INPP4B: variants seen among roughly 807,000 people sequenced by gnomAD.
INPP4B encodes the protein inositol polyphosphate-4-phosphatase type II B, also known as inositol polyphosphate 4-phosphatase type II.
In INPP4B, 55 loss-of-function variants were observed where a neutral mutation model predicts 122.5. The observed-to-expected ratio is 0.45, with a 90% CI of 0.36 to 0.56. INPP4B has a LOEUF of 0.56. Ranked by LOEUF, INPP4B falls within the 20% of genes least tolerant of loss-of-function variation. INPP4B has a pLI of 0.00. For synonymous variants in INPP4B, 403 were observed against 388.7 expected (o/e 1.04, Z -0.43); for missense variants, 1,000 against 1,097.7 (o/e 0.91, Z 1.26).
intron 1 of INPP4B, among the ~76,000 whole-genome samples, chr4:142,801,362 G>A (rs754666996): frequency 3.3e-5 from 5 of 152,170 alleles, no homozygotes; most frequent in Non-Finnish European, 5.9e-5. Flanking sequence ...AAGGCAGTTA[G>A]GTTAAAATGA....
At chr4:142,670,843 G>A (rs991854750) in intron 2 of INPP4B, among the ~76,000 whole-genome samples, 1 of 152,228 alleles carries the variant, frequency 6.6e-6, no homozygotes, top group East Asian at 1.9e-4. Context: ...TAATGCACAT[G>A]TTAATTAGTT....
intron 21 of INPP4B, among the ~76,000 whole-genome samples, chr4:142,118,964 C>A (rs1414391301): frequency 1.3e-5 from 2 of 152,152 alleles, no homozygotes; most frequent in East Asian, 1.9e-4. Flanking sequence ...AATCAAACAA[C>A]CCCATCAAAA....
intron 9 of INPP4B, among the ~76,000 whole-genome samples, chr4:142,304,106 G>A (rs953323323): frequency 1.3e-5 from 2 of 151,998 alleles, no homozygotes; most frequent in Non-Finnish European, 2.9e-5. Flanking sequence ...GAAAACATGT[G>A]GACTGCTAGT....
chr4:142,725,091 TG>T, intron 2 of INPP4B, among the ~76,000 whole-genome samples: 1 of 152,128 alleles, frequency 6.6e-6, no homozygotes, highest in Non-Finnish European at 1.5e-5. Context: ...AAATCTCTTT[TG>T]AGATAGTAGC....
At chr4:142,372,361 C>G (rs886100263) in intron 7 of INPP4B, among the ~76,000 whole-genome samples, 2 of 152,002 alleles carry the variant, frequency 1.3e-5, no homozygotes, top group African/African-American at 4.8e-5. Flanking sequence ...AGTTAACAAT[C>G]ATTTACTGTT....
chr4:142,622,405 T>A (rs1194624948), intron 2 of INPP4B, among the ~76,000 whole-genome samples: 1 of 151,604 alleles, frequency 6.6e-6, no homozygotes, highest in African/African-American at 2.4e-5. Context: ...AACATCTCAG[T>A]GTGCATGTCA....
chr4:142,546,468 C>T (rs1829660340), intron 2 of INPP4B, among the ~76,000 whole-genome samples: 1 of 152,020 alleles, frequency 6.6e-6, no homozygotes, highest in South Asian at 2.1e-4. Context: ...GACTTTCAAC[C>T]ATAGTACATG....
At chr4:142,417,863 A>C (rs544185741) in intron 5 of INPP4B, among the ~76,000 whole-genome samples, 1 of 152,244 alleles carries the variant, frequency 6.6e-6, no homozygotes, top group South Asian at 2.1e-4. Context: ...TTGTAAGCTA[A>C]AATTTAAGCT....
intron 16 of INPP4B, among the ~76,000 whole-genome samples, chr4:142,168,125 C>T (rs1331226047): frequency 2.6e-5 from 4 of 151,366 alleles, no homozygotes; most frequent in Non-Finnish European, 5.9e-5. Flanking sequence ...AATGTTCTAT[C>T]TCTGTTTTTC....
chr4:142,570,652 G>T (rs142711797), intron 2 of INPP4B, among the ~76,000 whole-genome samples: 4 of 151,976 alleles, frequency 2.6e-5, no homozygotes, highest in Non-Finnish European at 5.9e-5. Flanking sequence ...AAAAAAATTT[G>T]TTAGCAATTT....
intron 1 of INPP4B, among the ~76,000 whole-genome samples, chr4:142,785,383 A>G (rs1342608956): frequency 6.6e-5 from 10 of 152,200 alleles, no homozygotes; most frequent in South Asian, 2.1e-4. Context: ...GAATTATCAG[A>G]TAAAAAAATT....
At chr4:142,449,323 G>C (rs529108585) in intron 3 of INPP4B, among the ~76,000 whole-genome samples, 1 of 152,114 alleles carries the variant, frequency 6.6e-6, no homozygotes, top group Non-Finnish European at 1.5e-5. Context: ...CTTAAAATAT[G>C]GTCCCTGGAC....
intron 9 of INPP4B, chr4:142,286,839 C>T (rs1297379587): frequency 6.6e-6 from 1 of 152,100 alleles, no homozygotes; most frequent in South Asian, 2.1e-4. Context: ...TCTTTTTGAT[C>T]TTGTTTTAGC....
chr4:142,029,875 C>T, intron 25 of INPP4B: 2 of 1,122,184 alleles, frequency 1.8e-6, no homozygotes, highest in South Asian at 3.1e-5. Context: ...TGTCTTATTC[C>T]AAAGACAGTA....
chr4:142,580,687 AC>A (rs1304078916), intron 2 of INPP4B, among the ~76,000 whole-genome samples: 2 of 151,924 alleles, frequency 1.3e-5, no homozygotes, highest in Non-Finnish European at 2.9e-5. Flanking sequence ...CTTCACCTCC[AC>A]CCCCAAAATG....
intron 2 of INPP4B, among the ~76,000 whole-genome samples, chr4:142,658,570 T>G (rs1209815755): frequency 2.0e-5 from 3 of 152,242 alleles, no homozygotes; most frequent in Admixed American, 2.0e-4. Flanking sequence ...TCTAGAATTT[T>G]GAAACTATCT....
At chr4:142,175,971 C>A (rs1030977882) in intron 15 of INPP4B, among the ~76,000 whole-genome samples, 1 of 151,944 alleles carries the variant, frequency 6.6e-6, no homozygotes, top group Admixed American at 6.6e-5. Flanking sequence ...TCCCTCTTTG[C>A]AGGTCTGCTA....
intron 23 of INPP4B, among the ~76,000 whole-genome samples, chr4:142,090,516 G>C (rs1386136639): frequency 1.3e-5 from 2 of 151,906 alleles, no homozygotes; most frequent in African/African-American, 4.8e-5. Flanking sequence ...AAGATGTAAT[G>C]ATAGATCCTG....
chr4:142,388,484 C>T (rs549541590), intron 7 of INPP4B, among the ~76,000 whole-genome samples: 8 of 152,014 alleles, frequency 5.3e-5, no homozygotes, highest in Admixed American at 3.3e-4. Context: ...TCTAGTAGCC[C>T]GGGTCTCCTT....
Sources: allele counts gnomAD v4.1 joint callset (sites outside exome capture counted in the v4.1 genomes callset), GRCh38; gene constraint gnomAD v4.1.1; transcripts MANE v1.5; gene names NCBI Gene and HGNC (gene_info 2026-07-23, HGNC 2026-07-21).